The following CMSS1 variants were observed in gnomAD, a reference collection of about 807,000 sequenced individuals.
CMSS1 encodes cms1 ribosomal small subunit homolog, also known as protein CMSS1.
A neutral mutation model predicts 43.5 loss-of-function variants in CMSS1; 33 were observed. The ratio of observed to expected loss-of-function variants is 0.76; its 90% CI spans 0.57 to 1.01. CMSS1 has a LOEUF of 1.01. CMSS1 is among the 50% of genes least tolerant of loss of function. The probability of loss-of-function intolerance (pLI) is 0.00; values close to 1 mark genes in which losing one functional copy is unlikely to be tolerated. For missense variants in CMSS1, 313 were observed against 326.4 expected (o/e 0.96, Z 0.32); for synonymous variants, 115 against 117.2 (o/e 0.98, Z 0.12).
chr3:99,889,196 G>T (rs114741183), intron 1 of CMSS1, among the ~76,000 whole-genome samples: 2,033 of 152,156 alleles, frequency 0.013, 37 homozygotes, highest in African/African-American at 0.043. Context: ...TAACTAACAA[G>T]GATGTGCTGT....
chr3:100,026,385 A>T (rs968188378), intron 1 of CMSS1, among the ~76,000 whole-genome samples: 1 of 152,050 alleles, frequency 6.6e-6, no homozygotes, highest in Non-Finnish European at 1.5e-5. Flanking sequence ...GGCCAGACAT[A>T]AAACAAGGAG....
Position 99,817,903 on chromosome 3 carries a change from T to A in CMSS1, c.-77T>A. 1 of 1,511,960 alleles carries A rather than the reference T, an allele frequency of 6.6e-7. No homozygotes were observed. The highest frequency in any genetic ancestry group is 1.1e-5 in the South Asian group (1 of 87,850). 93.7% of individuals were successfully genotyped at this position (1,511,960 alleles called of 1,614,324 possible). On this transcript the variant is annotated 5_prime_UTR_variant, in exon 1 of 10. Coordinates refer to ENST00000421999, the MANE Select transcript of CMSS1 (RefSeq NM_032359.4). Reference sequence around the variant, plus strand: ...TCCGCGTGTAGCTACGCCGGCCGCCTGGCTTTGAGACAACGTGATTCTCCG... The same window carrying A: ...TCCGCGTGTAGCTACGCCGGCCGCCAGGCTTTGAGACAACGTGATTCTCCG...
At chr3:100,085,592 G>T (rs2065996091) in intron 1 of CMSS1, among the ~76,000 whole-genome samples, 1 of 152,054 alleles carries the variant, frequency 6.6e-6, no homozygotes, top group Non-Finnish European at 1.5e-5. Context: ...TCTCAGCATA[G>T]CTCTAAGATG....
At chr3:99,950,141 A>G (rs1260212954) in intron 1 of CMSS1, among the ~76,000 whole-genome samples, 2 of 152,234 alleles carry the variant, frequency 1.3e-5, no homozygotes, top group Non-Finnish European at 2.9e-5. Flanking sequence ...ATAAAGCACA[A>G]GGAGCCACCT....
intron 1 of CMSS1, among the ~76,000 whole-genome samples, chr3:99,869,030 A>G (rs1274765847): frequency 6.6e-6 from 1 of 152,208 alleles, no homozygotes; most frequent in Non-Finnish European, 1.5e-5. Flanking sequence ...GAGAGGTAAA[A>G]AGAACCACTT....
At chr3:100,036,035 T>C (rs943631992) in intron 1 of CMSS1, among the ~76,000 whole-genome samples, 1 of 152,344 alleles carries the variant, frequency 6.6e-6, no homozygotes, top group East Asian at 1.9e-4. Context: ...ATAAGTCCAT[T>C]GTAACATAGA....
At chr3:100,074,293 G>A (rs1353398749) in intron 1 of CMSS1, among the ~76,000 whole-genome samples, 1 of 152,108 alleles carries the variant, frequency 6.6e-6, no homozygotes, top group Non-Finnish European at 1.5e-5. Context: ...AAAATGCAAG[G>A]CAAAGGTTTC....
chr3:99,968,981 A>T (rs1247356674), intron 1 of CMSS1, among the ~76,000 whole-genome samples: 1 of 151,912 alleles, frequency 6.6e-6, no homozygotes, highest in Non-Finnish European at 1.5e-5. Flanking sequence ...AAAAAAATTC[A>T]TTTGATAAAA....
rs2064997989 is a variant in CMSS1 at position 100,030,092 on chromosome 3, A to G, written c.65-116881A>G. Among the ~76,000 whole-genome samples the G allele has an allele frequency of 2.0e-5, 3 of 152,200 alleles. No individual in the cohort carries two copies. The South Asian group carries it at 6.2e-4, about 31-fold the overall frequency. Reference sequence around the variant, plus strand: ...GGACCTTAAAACCCTTGTTTTACAGATAAGGAAACGGAGACCCAACGAGCA... The same window carrying G: ...GGACCTTAAAACCCTTGTTTTACAGGTAAGGAAACGGAGACCCAACGAGCA... On this transcript the variant is annotated intron_variant, in intron 1 of 9. Transcript: ENST00000421999.
Position 99,906,539 on chromosome 3 carries a change from CT to C in CMSS1, c.64+88502del, listed in dbSNP as rs1706624349. 4.6e-5 allele frequency among the ~76,000 whole-genome samples: 7 copies of C among 152,274 alleles called. No homozygotes were observed. The South Asian group carries it at 1.4e-3, about 32-fold the overall frequency. ...ACTTATTTATTTCAATAAAGTCTTA[CT>C]TTTTTAACCTTTTATGATTGGTGAC... On this transcript the variant is annotated intron_variant, in intron 1 of 9. Coordinates refer to ENST00000421999, the MANE Select transcript of CMSS1 (RefSeq NM_032359.4).
At chr3:99,901,543 GT>G (rs1158617811) in intron 1 of CMSS1, among the ~76,000 whole-genome samples, 8 of 152,140 alleles carry the variant, frequency 5.3e-5, no homozygotes, top group Non-Finnish European at 1.0e-4. Flanking sequence ...CCAGATGTTC[GT>G]CGGGAAAGCT....
Position 99,847,638 on chromosome 3 carries a change from T to C in CMSS1, c.64+29595T>C, listed in dbSNP as rs957697825. 3.9e-5 allele frequency among the ~76,000 whole-genome samples: 6 copies of C among 152,240 alleles called. No individual in the cohort carries two copies. In the East Asian group the frequency reaches 1.2e-3, roughly 29 times the overall value. On this transcript the variant is annotated intron_variant, in intron 1 of 9. Coordinates refer to ENST00000421999, the MANE Select transcript of CMSS1 (RefSeq NM_032359.4). ...AAACATTTAAGTTCCTAATGTAGTC[T>C]AAGCACTGTGCTGGGCTCTTAGAGA...
At chr3:99,848,060 T>C in intron 1 of CMSS1, 1 of 1,285,110 alleles carries the variant, frequency 7.8e-7, no homozygotes, top group African/African-American at 1.5e-5. Context: ...CTAAATATTT[T>C]CCATACAAGT....
At chr3:100,033,725 C>A (rs999756373) in intron 1 of CMSS1, among the ~76,000 whole-genome samples, 15 of 152,062 alleles carry the variant, frequency 9.9e-5, no homozygotes, top group South Asian at 2.1e-4. Flanking sequence ...TAAAAAAAAA[C>A]CTGATATATT....
At position 100,181,416 on chromosome 3, in the gene CMSS1, G is replaced by C. The variant is rs544387763; in HGVS notation, c.*3028G>C. ...TAAATTCTTGTATAACCATAATAGAGTTATCAAAACTAAGAAGTCATCACT... is the reference window on the plus strand; with the variant it reads ...TAAATTCTTGTATAACCATAATAGACTTATCAAAACTAAGAAGTCATCACT... On this transcript the variant is annotated 3_prime_UTR_variant, in exon 10 of 10. Transcript: ENST00000421999. The C allele has an allele frequency of 2.2e-4, 33 of 152,232 alleles. No individual in the cohort carries two copies. The highest frequency in any genetic ancestry group is 5.9e-4 in the Admixed American group (9 of 15,286). The allele number at this position is 152,232 out of a possible 1,614,324, so 9.4% of individuals were successfully genotyped here. A position where few individuals can be genotyped will look rare whatever the true frequency, so the allele number is the denominator to read the frequency against.
chr3:100,162,474 C>T, intron 4 of CMSS1, 42 bp downstream of exon 4: 1 of 1,591,236 alleles, frequency 6.3e-7, no homozygotes, highest in Non-Finnish European at 8.6e-7. Context: ...AGGAGCAAAA[C>T]ATAAGTATCT....
At chr3:100,014,807 ATTT>A (rs201338660) in intron 1 of CMSS1, among the ~76,000 whole-genome samples, 3 of 64,540 alleles carry the variant, frequency 4.6e-5, no homozygotes, top group Admixed American at 1.4e-4. Flanking sequence ...CATTCTATTG[ATTT>A]TTTTTTTTTT....
At chr3:100,112,282 A>G (rs1024064847) in intron 1 of CMSS1, among the ~76,000 whole-genome samples, 3 of 152,204 alleles carry the variant, frequency 2.0e-5, no homozygotes, top group Admixed American at 1.3e-4. Flanking sequence ...TTTAGGTTAG[A>G]ACATAGAATA....
chr3:100,178,479 A>T lies in CMSS1; in HGVS notation c.*91A>T. ...ACATTGCAAGCACTCAGTAAATATC[A>T]GCAAATAGTTTATGTTAATTGTGTC... On this transcript the variant is annotated 3_prime_UTR_variant, in exon 10 of 10. Coordinates refer to ENST00000421999, the MANE Select transcript of CMSS1 (RefSeq NM_032359.4). 2 of 743,698 alleles carry T rather than the reference A, an allele frequency of 2.7e-6. No homozygotes were observed. Among genetic ancestry groups the T allele is most frequent in the Non-Finnish European group, 2.3e-6 (1 of 432,264 alleles). The allele number at this position is 743,698 out of a possible 1,614,324, so 46.1% of individuals were successfully genotyped here.
Sources: gnomAD v4.1 joint callset for allele counts (sites outside exome capture counted in the v4.1 genomes callset) on GRCh38, gnomAD v4.1.1 for gene constraint, MANE v1.5 for transcripts, NCBI Gene and HGNC (gene_info 2026-07-23, HGNC 2026-07-21) for gene names.